The following PPCDC variants were observed in gnomAD, a reference collection of about 807,000 sequenced individuals.
PPCDC encodes the protein phosphopantothenoylcysteine decarboxylase.
A neutral mutation model predicts 20.7 loss-of-function variants in PPCDC; 20 were observed. The ratio of observed to expected loss-of-function variants is 0.97; its 90% CI spans 0.68 to 1.41. The LOEUF (loss-of-function observed/expected upper bound fraction) is 1.41, where lower values mean the gene tolerates loss of function less well. PPCDC is among the 40% of genes most tolerant of loss of function. The pLI is 0.00. For missense variants in PPCDC, 246 were observed against 263.8 expected (o/e 0.93, Z 0.47); for synonymous variants, 88 against 100.3 (o/e 0.88, Z 0.73).
intron 2 of PPCDC, among the ~76,000 whole-genome samples, chr15:75,029,043 T>A (rs538742841): frequency 1.3e-5 from 2 of 152,302 alleles, no homozygotes; most frequent in East Asian, 1.9e-4. Flanking sequence ...AACTTGGATC[T>A]ATTTTCTATA....
intron 2 of PPCDC, among the ~76,000 whole-genome samples, chr15:75,042,051 A>G (rs902395487): frequency 2.6e-5 from 4 of 152,180 alleles, no homozygotes; most frequent in African/African-American, 9.7e-5. Context: ...AGGAAATTGA[A>G]TTTTCTATGC....
At chr15:75,044,664 T>A in intron 4 of PPCDC, 150 bp downstream of exon 4, 1 of 1,064,088 alleles carries the variant, frequency 9.4e-7, no homozygotes, top group East Asian at 2.7e-5. Context: ...TCGCCCCCAG[T>A]GCTCTCACCT....
In PPCDC at chr15:75,050,696, G is replaced by C. The variant is rs1205507972; in HGVS notation, c.*1461G>C. On this transcript the variant is annotated 3_prime_UTR_variant, in exon 6 of 6. Coordinates refer to ENST00000342932, the MANE Select transcript of PPCDC (RefSeq NM_021823.5). The stretch of plus-strand genomic sequence containing the variant: ...GACCCTTTGGGATAAAATTGCCTTA[G>C]GGTATGAAATAAACTATAACTAAAA... 6.6e-6 allele frequency: 1 copy of C among 152,212 alleles called. No homozygotes were observed. Among genetic ancestry groups the C allele is most frequent in the Non-Finnish European group, 1.5e-5 (1 of 68,052 alleles). 9.4% of individuals were successfully genotyped at this position (152,212 alleles called of 1,614,324 possible). A position where few individuals can be genotyped will look rare whatever the true frequency, so the allele number is the denominator to read the frequency against.
rs577043455 is a variant in PPCDC, at chr15:75,044,732, C to T, written c.360+218C>T. ...GATGGGTCAGTGTGACCTGCCACTG[C>T]TCCCCAGGAGTGTCCCCCTCTCCCC... On this transcript the variant is annotated intron_variant, in intron 4 of 5. Transcript: ENST00000342932. The T allele has an allele frequency of 1.3e-4, 74 of 569,782 alleles. No individual in the cohort carries two copies. The African/African-American group carries it at 1.3e-3, about 10-fold the overall frequency. The allele number at this position is 569,782 out of a possible 1,614,324, so 35.3% of individuals were successfully genotyped here.
At chr15:75,032,735 C>CCT (rs376059095) in intron 2 of PPCDC, among the ~76,000 whole-genome samples, 3 of 136,456 alleles carry the variant, frequency 2.2e-5, no homozygotes, top group South Asian at 2.9e-4. Flanking sequence ...CCCCCCCCCC[C>CCT]AAGGCCAAAT....
intron 2 of PPCDC, among the ~76,000 whole-genome samples, chr15:75,041,708 G>C (rs2066154045): frequency 6.6e-6 from 1 of 152,200 alleles, no homozygotes; most frequent in Admixed American, 6.5e-5. Flanking sequence ...GATCCTAAGG[G>C]GGAGTGAGAT....
At chr15:75,025,719 A>T (rs1017805767) in intron 1 of PPCDC, among the ~76,000 whole-genome samples, 1 of 152,184 alleles carries the variant, frequency 6.6e-6, no homozygotes, top group African/African-American at 2.4e-5. Flanking sequence ...CGGGGAAGTC[A>T]GGTACTACAG....
intron 2 of PPCDC, among the ~76,000 whole-genome samples, chr15:75,034,337 G>T (rs1167546440): frequency 6.6e-6 from 1 of 152,096 alleles, no homozygotes; most frequent in South Asian, 2.1e-4. Context: ...TGCAGTTAGG[G>T]GTTACCTGTA....
At chr15:75,029,034 A>G (rs1233967264) in intron 2 of PPCDC, among the ~76,000 whole-genome samples, 2 of 152,152 alleles carry the variant, frequency 1.3e-5, no homozygotes, top group Non-Finnish European at 2.9e-5. Context: ...CAGACCCTCA[A>G]CTTGGATCTA....
chr15:75,035,856 A>T (rs944264315), intron 2 of PPCDC, among the ~76,000 whole-genome samples: 18 of 150,140 alleles, frequency 1.2e-4, no homozygotes, highest in African/African-American at 4.4e-4. Flanking sequence ...AATCCCAGCT[A>T]CTCTGGAGGC....
intron 4 of PPCDC, 32 bp from the exon 5 acceptor site, chr15:75,048,521 C>A: frequency 6.2e-7 from 1 of 1,604,080 alleles, no homozygotes. Flanking sequence ...GACAGAGTAG[C>A]AAGACCCCCA....
At chr15:75,030,153 G>T (rs933592903) in intron 2 of PPCDC, among the ~76,000 whole-genome samples, 1 of 152,220 alleles carries the variant, frequency 6.6e-6, no homozygotes, top group African/African-American at 2.4e-5. Flanking sequence ...GGGAGGGAGG[G>T]CTCCCCGACT....
chr15:75,025,277 G>A (rs1264562937), intron 1 of PPCDC, among the ~76,000 whole-genome samples: 1 of 152,142 alleles, frequency 6.6e-6, no homozygotes, highest in Admixed American at 6.5e-5. Context: ...ATGGATCTTG[G>A]ATCCCTGCCT....
In PPCDC at chr15:75,049,430, A is replaced by G; in HGVS notation, c.*195A>G. ...CAGGTCTCAGTTTCTTTCAACCAGGAGAGGCCGCTGCCTAGAGCCCCTCCC... is the reference window on the plus strand; with the variant it reads ...CAGGTCTCAGTTTCTTTCAACCAGGGGAGGCCGCTGCCTAGAGCCCCTCCC... On this transcript the variant is annotated 3_prime_UTR_variant, in exon 6 of 6. Coordinates refer to ENST00000342932, the MANE Select transcript of PPCDC (RefSeq NM_021823.5). 2 of 599,220 alleles carry G rather than the reference A, an allele frequency of 3.3e-6. No homozygotes were observed. The highest frequency in any genetic ancestry group is 5.9e-6 in the Non-Finnish European group (2 of 340,812). 37.1% of individuals were successfully genotyped at this position (599,220 alleles called of 1,614,324 possible).
Position 75,028,024 on chromosome 15 carries a change from C to T in PPCDC, c.-72-223C>T, listed in dbSNP as rs1012850996. Reference sequence around the variant, plus strand: ...TAGAGATGGTCACCCTGAGCAGCCACGCACCTGGTACAGCCCTTCCCCACA... The same window carrying T: ...TAGAGATGGTCACCCTGAGCAGCCATGCACCTGGTACAGCCCTTCCCCACA... On this transcript the variant is annotated intron_variant, in intron 1 of 5. Transcript: ENST00000342932. 7 of 358,822 alleles carry T rather than the reference C, an allele frequency of 2.0e-5. No individual in the cohort carries two copies. In the South Asian group the frequency reaches 2.5e-4, roughly 13 times the overall value. 22.2% of individuals were successfully genotyped at this position (358,822 alleles called of 1,614,324 possible). A position where few individuals can be genotyped will look rare whatever the true frequency, so the allele number is the denominator to read the frequency against.
intron 2 of PPCDC, among the ~76,000 whole-genome samples, chr15:75,034,176 A>G (rs1411848672): frequency 6.6e-6 from 1 of 152,118 alleles, no homozygotes; most frequent in African/African-American, 2.4e-5. Flanking sequence ...CCAGGGAGTG[A>G]GTGAGTTAGC....
chr15:75,036,942 A>G (rs1371176077), intron 2 of PPCDC, among the ~76,000 whole-genome samples: 1 of 152,022 alleles, frequency 6.6e-6, no homozygotes, highest in Non-Finnish European at 1.5e-5. Context: ...AAGTGCTGGG[A>G]TGACAGGCAT....
chr15:75,036,523 C>G (rs2141485442), intron 2 of PPCDC, among the ~76,000 whole-genome samples: 1 of 152,286 alleles, frequency 6.6e-6, no homozygotes, highest in South Asian at 2.1e-4. Flanking sequence ...CGCATTACTC[C>G]TTAGTGAAGA....
intron 2 of PPCDC, among the ~76,000 whole-genome samples, chr15:75,034,930 A>G (rs566803568): frequency 1.4e-4 from 21 of 152,250 alleles, no homozygotes; most frequent in Non-Finnish European, 2.6e-4. Flanking sequence ...GCTATCTGAT[A>G]TATTTAAATT....
Sources: allele counts gnomAD v4.1 joint callset (sites outside exome capture counted in the v4.1 genomes callset), GRCh38; gene constraint gnomAD v4.1.1; transcripts MANE v1.5; gene names NCBI Gene and HGNC (gene_info 2026-07-23, HGNC 2026-07-21).